LIPI: variants seen among roughly 807,000 people sequenced by gnomAD.
The protein encoded by LIPI is lipase I.
A neutral mutation model predicts 50.6 loss-of-function variants in LIPI; 59 were observed. That is an observed-to-expected ratio of 1.16 (90% CI 0.94 to 1.45). LIPI has a LOEUF of 1.45. LIPI is among the 40% of genes most tolerant of loss of function. The pLI, the probability that LIPI is intolerant of heterozygous loss-of-function variation, is 0.00. For missense variants in LIPI, 586 were observed against 536.3 expected, an observed-to-expected ratio of 1.09 and a Z score of -0.92; for synonymous variants, 203 against 178.2, an observed-to-expected ratio of 1.14 and a Z score of -1.11.
intron 4 of LIPI, among the ~76,000 whole-genome samples, chr21:14,166,912 T>C (rs1434841401): frequency 6.6e-6 from 1 of 152,160 alleles, no homozygotes; most frequent in Non-Finnish European, 1.5e-5. Flanking sequence ...GGGTGAGGCA[T>C]TACCTTACTC....
intron 4 of LIPI, among the ~76,000 whole-genome samples, chr21:14,178,067 A>G (rs554950484): frequency 5.9e-5 from 9 of 152,222 alleles, no homozygotes; most frequent in African/African-American, 1.4e-4. Context: ...TGAGAACTCA[A>G]TTGTAACTCT....
intron 8 of LIPI, among the ~76,000 whole-genome samples, chr21:14,145,766 A>T (rs1221299865): frequency 6.6e-6 from 1 of 152,186 alleles, no homozygotes; most frequent in Non-Finnish European, 1.5e-5. Flanking sequence ...GCCAACAACA[A>T]CTTGGTTAAT....
chr21:14,209,366 GTA>G (rs1479950654), intron 1 of LIPI, among the ~76,000 whole-genome samples: 3 of 152,160 alleles, frequency 2.0e-5, no homozygotes, highest in Admixed American at 6.5e-5. Context: ...CCTCCTTGAG[GTA>G]TATATCAGAA....
In LIPI at chr21:14,166,430, A is replaced by T. The variant is rs773787527; in HGVS notation, c.665T>A (p.Leu222Ter). 2.5e-6 allele frequency: 4 copies of T among 1,608,156 alleles called. No individual in the cohort carries two copies. The highest frequency in any genetic ancestry group is 2.7e-5 in the African/African-American group (2 of 74,830). Residue 222 changes from leucine to a stop codon, truncating the protein, a stop_gained, in exon 5 of 10, where the codon TTG (leucine) becomes TAG (stop). Transcript: ENST00000681601. LOFTEE classifies it high-confidence loss of function. The part of the protein sequence containing the change: ...DSNGLGIQEP[L>*]GHIDFYPNGG... ...ATTTGGATAAAAATCTATATGTCCC[A>T]AGGGCTCTTGAATGCCTAAACCTGA...
intron 8 of LIPI, among the ~76,000 whole-genome samples, chr21:14,146,405 C>T (rs1335234436): frequency 6.6e-6 from 1 of 152,176 alleles, no homozygotes; most frequent in African/African-American, 2.4e-5. Flanking sequence ...CTTCTTTCAA[C>T]CTCCACATTC....
intron 7 of LIPI, among the ~76,000 whole-genome samples, chr21:14,161,778 A>ATATACATTATTATATAATAATG (rs2018495480): frequency 5.3e-5 from 1 of 18,954 alleles, no homozygotes; most frequent in African/African-American, 3.4e-4. Context: ...ATATATTAAT[A>ATATACATTATTATATAATAATG]TATAATATAT....
rs538040490 is a variant in LIPI, at chr21:14,193,744, C to G, written c.47-4325G>C. ...ATTGATTTCTTGAATATTACAAGAA[C>G]AGAACCACAGGCGACAACAGAAAAA... On this transcript the variant is annotated intron_variant, in intron 1 of 9. Transcript: ENST00000681601. 2.4e-4 allele frequency among the ~76,000 whole-genome samples: 37 copies of G among 151,552 alleles called. 2 individuals are homozygous for G. Among genetic ancestry groups the G allele is most frequent in the Non-Finnish European group, 5.0e-4 (34 of 67,868 alleles).
At chr21:14,149,671 G>A (rs183729716) in intron 8 of LIPI, among the ~76,000 whole-genome samples, 1 of 152,272 alleles carries the variant, frequency 6.6e-6, no homozygotes, top group African/African-American at 2.4e-5. Context: ...TTCCAAATGA[G>A]AGCAATTGGC....
At chr21:14,141,641 GT>G (rs2017712603) in intron 9 of LIPI, among the ~76,000 whole-genome samples, 2 of 5,284 alleles carry the variant, frequency 3.8e-4, no homozygotes, top group South Asian at 7.6e-3. Context: ...TTGTTGTTTT[GT>G]TGTGTTTTTC....
intron 4 of LIPI, among the ~76,000 whole-genome samples, chr21:14,176,916 C>G (rs918917692): frequency 6.6e-6 from 1 of 151,894 alleles, no homozygotes; most frequent in Non-Finnish European, 1.5e-5. Flanking sequence ...TTAGGTATAT[C>G]GAAATGTTTG....
intron 6 of LIPI, among the ~76,000 whole-genome samples, 186 bp from the exon 7 acceptor site, chr21:14,163,709 C>T (rs2018576166): frequency 6.6e-6 from 1 of 151,820 alleles, no homozygotes; most frequent in Non-Finnish European, 1.5e-5. Context: ...AATAACAACT[C>T]TTAAATTCAG....
At position 14,118,322 on chromosome 21, in the gene LIPI, G is replaced by C. The variant is rs112114513; in HGVS notation, c.1296-9242C>G. 5.7e-3 allele frequency among the ~76,000 whole-genome samples: 866 copies of C among 152,222 alleles called. 15 individuals are homozygous for C. Among genetic ancestry groups the C allele is most frequent in the African/African-American group, 0.02 (833 of 41,550 alleles). ...TGGTAGACACAGGTGCTGAACACTC[G>C]GTTGTGACTCAAAAAATTGGGCCGT... On this transcript the variant is annotated intron_variant, in intron 9 of 9. Coordinates refer to ENST00000681601, the MANE Select transcript of LIPI (RefSeq NM_001302998.2).
chr21:14,200,495 T>G (rs78071757), intron 1 of LIPI, among the ~76,000 whole-genome samples: 8,066 of 152,066 alleles, frequency 0.053, 256 homozygotes, highest in Middle Eastern at 0.1. Context: ...GAATTAACTC[T>G]CATTCACAAT....
intron 1 of LIPI, among the ~76,000 whole-genome samples, chr21:14,202,849 A>G (rs1401124914): frequency 1.3e-5 from 2 of 150,130 alleles, no homozygotes; most frequent in African/African-American, 4.8e-5. Flanking sequence ...TAATTAAACT[A>G]AAGAGCTTCT....
chr21:14,148,688 T>C (rs2123078913), intron 8 of LIPI, among the ~76,000 whole-genome samples: 1 of 152,312 alleles, frequency 6.6e-6, no homozygotes, highest in East Asian at 1.9e-4. Flanking sequence ...CCATCTAAGT[T>C]TGGACTCTAT....
chr21:14,169,735 G>C (rs1210682118), intron 4 of LIPI, among the ~76,000 whole-genome samples: 10 of 151,996 alleles, frequency 6.6e-5, no homozygotes, highest in Non-Finnish European at 1.5e-4. Context: ...GAAATTTGTA[G>C]CACTAAATGC....
At chr21:14,177,429 A>C (rs1439966391) in intron 4 of LIPI, among the ~76,000 whole-genome samples, 1 of 151,932 alleles carries the variant, frequency 6.6e-6, no homozygotes, top group African/African-American at 2.4e-5. Flanking sequence ...ATTTATCTTA[A>C]TTGTATAGTT....
intron 9 of LIPI, among the ~76,000 whole-genome samples, chr21:14,126,593 A>T (rs930920736): frequency 1.3e-5 from 2 of 152,176 alleles, no homozygotes; most frequent in African/African-American, 2.4e-5. Context: ...ATTATCCCCT[A>T]AATAATTTAG....
chr21:14,151,620 T>C (rs2018093558), intron 8 of LIPI, among the ~76,000 whole-genome samples: 1 of 152,206 alleles, frequency 6.6e-6, no homozygotes, highest in African/African-American at 2.4e-5. Context: ...GTTAGAAGTC[T>C]AGCACAGCAG....
Sources: gnomAD v4.1 joint callset for allele counts (sites outside exome capture counted in the v4.1 genomes callset) on GRCh38, gnomAD v4.1.1 for gene constraint, MANE v1.5 for transcripts, NCBI Gene and HGNC (gene_info 2026-07-23, HGNC 2026-07-21) for gene names.